The following ZNF75D variants were observed in gnomAD, a reference collection of about 807,000 sequenced individuals.
ZNF75D encodes zinc finger protein 75.
Under a neutral mutation model 33.3 loss-of-function variants are expected in ZNF75D, and 33 were observed. That is an observed-to-expected ratio of 0.99 (90% CI 0.75 to 1.32). The LOEUF is 1.32. Ranked by LOEUF, ZNF75D falls within the 40% of genes most tolerant of loss-of-function variation. The pLI, the probability that ZNF75D is intolerant of heterozygous loss-of-function variation, is 0.00. For missense variants in ZNF75D, 338 were observed against 367.5 expected, an observed-to-expected ratio of 0.92 and a Z score of 0.66; for synonymous variants, 113 against 130.6, an observed-to-expected ratio of 0.87 and a Z score of 0.92.
chrX:135,304,272 C>T (rs982476516), intron 1 of ZNF75D, among the ~76,000 whole-genome samples: 2 of 111,016 alleles, frequency 1.8e-5, no homozygotes, highest in African/African-American at 6.6e-5. Context: ...GTGTGCTGAG[C>T]GTGGGCCTGG....
In ZNF75D at chrX:135,294,136, G is replaced by A; in HGVS notation, c.5C>T (p.Ala2Val). ...TGAATCCGCGTTCAGCTCTCTCATC[G>A]CCATTTGCTCTAGGAACAGTTTTAC... M[A>V]MRELNADSCS... The change falls in exon 3 of 7, where the codon GCG becomes GTG. Residue 2 changes from alanine to valine, a missense_variant. Coordinates refer to ENST00000370766, the MANE Select transcript of ZNF75D (RefSeq NM_007131.5). The A allele has an allele frequency of 1.7e-6, 2 of 1,185,526 alleles. No homozygotes were observed. The highest frequency in any genetic ancestry group is 2.3e-6 in the Non-Finnish European group (2 of 882,970).
intron 2 of ZNF75D, chrX:135,253,122 G>A (rs1488527406): frequency 3.3e-5 from 9 of 276,129 alleles, no homozygotes; most frequent in Non-Finnish European, 5.6e-5. Flanking sequence ...CAGTGTGTGT[G>A]TGTATGGGGG....
At chrX:135,328,452 T>A (rs2084609613) in intron 1 of ZNF75D, among the ~76,000 whole-genome samples, 1 of 111,428 alleles carries the variant, frequency 9.0e-6, no homozygotes, top group Admixed American at 9.5e-5. Context: ...ATTCCATGAT[T>A]TTCCTGTGCC....
intron 1 of ZNF75D, among the ~76,000 whole-genome samples, chrX:135,298,886 T>C (rs1257623100): frequency 8.9e-6 from 1 of 112,155 alleles, no homozygotes; most frequent in African/African-American, 3.2e-5. Context: ...TCATATGATA[T>C]GTGATCTTTT....
intron 1 of ZNF75D, among the ~76,000 whole-genome samples, chrX:135,325,201 A>G (rs782346183): frequency 9.3e-6 from 1 of 107,492 alleles, no homozygotes; most frequent in African/African-American, 3.4e-5. Flanking sequence ...CACTCAGTAC[A>G]GTGGCTGGCA....
At chrX:135,288,992 C>G (rs1191213474) in intron 6 of ZNF75D, among the ~76,000 whole-genome samples, 1 of 112,231 alleles carries the variant, frequency 8.9e-6, no homozygotes, top group Non-Finnish European at 1.9e-5. Context: ...CTTGGTTGGT[C>G]CCTGAGTTCA....
chrX:135,256,569 C>G (rs1045633165), intron 1 of ZNF75D, among the ~76,000 whole-genome samples: 3 of 111,693 alleles, frequency 2.7e-5, no homozygotes, highest in African/African-American at 9.8e-5. Flanking sequence ...TAGGACACAA[C>G]GACTGCAGTT....
intron 1 of ZNF75D, among the ~76,000 whole-genome samples, chrX:135,256,773 C>G (rs781969769): frequency 1.1e-4 from 12 of 111,633 alleles, no homozygotes; most frequent in Non-Finnish European, 2.3e-4. Flanking sequence ...TAAAGGTAGT[C>G]CTTTATAGCA....
chrX:135,279,364 T>C (rs1157247251), intron 1 of ZNF75D, among the ~76,000 whole-genome samples: 16 of 111,973 alleles, frequency 1.4e-4, no homozygotes, highest in Non-Finnish European at 5.6e-5. Context: ...TTGTGTCTAT[T>C]TGATTTTTCT....
intron 1 of ZNF75D, among the ~76,000 whole-genome samples, chrX:135,313,513 T>C (rs1461664797): frequency 1.8e-5 from 2 of 111,847 alleles, no homozygotes; most frequent in East Asian, 2.8e-4. Flanking sequence ...AGGATAATTT[T>C]TTCTATTTCT....
intron 1 of ZNF75D, among the ~76,000 whole-genome samples, chrX:135,310,397 A>G (rs1196500186): frequency 1.8e-5 from 2 of 112,153 alleles, no homozygotes; most frequent in African/African-American, 6.5e-5. Flanking sequence ...CTGAAATGGG[A>G]ACTATGTGCA....
chrX:135,337,207 TAC>T lies in ZNF75D; in HGVS notation c.-391+4559_-391+4560del, dbSNP rs782480362. On this transcript the variant is annotated intron_variant, in intron 1 of 6. Coordinates refer to ENST00000370766, the MANE Select transcript of ZNF75D (RefSeq NM_007131.5). ...ATTTTCTTCTTGTCCTTACTTTGTA[TAC>T]ACACACATATATACAATGTATATAA... Among the ~76,000 whole-genome samples, 4 of 112,664 alleles carry T rather than the reference TAC, an allele frequency of 3.6e-5. No individual in the cohort carries two copies. In the East Asian group the frequency reaches 1.1e-3, roughly 31 times the overall value.
chrX:135,269,770 A>G (rs2083875477), intron 1 of ZNF75D, among the ~76,000 whole-genome samples: 1 of 112,027 alleles, frequency 8.9e-6, no homozygotes, highest in Non-Finnish European at 1.9e-5. Context: ...TAAAATTAGT[A>G]TATCAAAGAG....
chrX:135,307,677 G>A (rs2084305478), intron 1 of ZNF75D, among the ~76,000 whole-genome samples: 1 of 112,152 alleles, frequency 8.9e-6, no homozygotes, highest in Non-Finnish European at 1.9e-5. Context: ...CAGAATAAAA[G>A]TGTGGAGTTC....
At chrX:135,307,486 A>C (rs1556426039) in intron 1 of ZNF75D, among the ~76,000 whole-genome samples, 1 of 111,658 alleles carries the variant, frequency 9.0e-6, no homozygotes, top group Non-Finnish European at 1.9e-5. Flanking sequence ...TGGAAAATCC[A>C]TGTCCTGCAT....
chrX:135,324,447 A>G (rs1351704730), intron 1 of ZNF75D, among the ~76,000 whole-genome samples: 1 of 112,811 alleles, frequency 8.9e-6, no homozygotes, highest in African/African-American at 3.2e-5. Context: ...TGCTGCAACA[A>G]TTATGTGCAG....
chrX:135,305,277 AC>A (rs1556425529), intron 1 of ZNF75D, among the ~76,000 whole-genome samples: 1 of 111,400 alleles, frequency 9.0e-6, no homozygotes, highest in East Asian at 2.8e-4. Context: ...CAACACCCCT[AC>A]CAGTGCTACC....
chrX:135,311,061 C>A (rs1403590435), intron 1 of ZNF75D, among the ~76,000 whole-genome samples: 1 of 111,992 alleles, frequency 8.9e-6, no homozygotes, highest in Non-Finnish European at 1.9e-5. Flanking sequence ...GGTTGAATAC[C>A]AGGGGATATG....
Position 135,287,781 on chromosome X carries a change from T to C in ZNF75D, c.889A>G (p.Thr297Ala). Residue 297 changes from threonine (T) to alanine (A), a missense_variant, in exon 7 of 7, where the codon ACA (threonine) becomes GCA (alanine). Physicochemically the swap from Thr to Ala is moderately conservative, Grantham distance 58. Transcript: ENST00000370766. ...TTTTTTGATACTTCGCATCCTGATG[T>C]TTGTATTTCTGATGTAGAAACAGAT... ...PISVSTSEIQTSGCEVSKKTR... is the reference protein window; with the variant it reads ...PISVSTSEIQASGCEVSKKTR... The C allele has an allele frequency of 8.3e-7, 1 of 1,210,833 alleles. No individual in the cohort carries two copies. The highest frequency in any genetic ancestry group is 1.1e-6 in the Non-Finnish European group (1 of 895,165).
Sources: gnomAD v4.1 joint callset for allele counts (sites outside exome capture counted in the v4.1 genomes callset) on GRCh38, gnomAD v4.1.1 for gene constraint, MANE v1.5 for transcripts, NCBI Gene and HGNC (gene_info 2026-07-23, HGNC 2026-07-21) for gene names.